DLG2: variants seen among roughly 807,000 people sequenced by gnomAD.
DLG2 encodes disks large homolog 2.
DLG2 carries 45 observed loss-of-function variants against 132.5 expected under a neutral mutation model. The ratio of observed to expected loss-of-function variants is 0.34; its 90% confidence interval spans 0.27 to 0.44. The LOEUF (loss-of-function observed/expected upper bound fraction) is 0.44. DLG2 is among the 20% of genes least tolerant of loss of function. DLG2 has a pLI of 1.00. For missense variants in DLG2, 1,045 were observed against 1,196.9 expected (o/e 0.87, Z 1.87); for synonymous variants, 424 against 419.6 (o/e 1.01, Z -0.13).
At chr11:85,300,475 A>G (rs1596057308) in intron 3 of DLG2, among the ~76,000 whole-genome samples, 1 of 152,192 alleles carries the variant, frequency 6.6e-6, no homozygotes, top group East Asian at 1.9e-4. Context: ...AACAAGGAGT[A>G]AAATTAGAAA....
intron 19 of DLG2, among the ~76,000 whole-genome samples, chr11:83,576,969 C>A (rs2096883052): frequency 6.6e-6 from 1 of 152,128 alleles, no homozygotes. Context: ...TTGAAGGATA[C>A]AAAGTATTGA....
chr11:83,461,775 G>A, intron 27 of DLG2: 1 of 500,196 alleles, frequency 2.0e-6, no homozygotes, highest in Admixed American at 3.2e-5. Context: ...TTTGGGTAGG[G>A]CTGGTGGGAA....
At chr11:84,838,086 T>G (rs1401728470) in intron 6 of DLG2, among the ~76,000 whole-genome samples, 1 of 151,884 alleles carries the variant, frequency 6.6e-6, no homozygotes, top group Non-Finnish European at 1.5e-5. Flanking sequence ...CTTCTTAAAA[T>G]AGGGAAATAA....
chr11:84,868,029 G>A (rs1032709592), intron 6 of DLG2, among the ~76,000 whole-genome samples: 2 of 151,290 alleles, frequency 1.3e-5, no homozygotes, highest in Non-Finnish European at 2.9e-5. Context: ...AGCTGAGATC[G>A]CGCCACTGCA....
intron 8 of DLG2, among the ~76,000 whole-genome samples, chr11:84,179,365 G>A (rs2096059273): frequency 6.6e-6 from 1 of 152,196 alleles, no homozygotes; most frequent in African/African-American, 2.4e-5. Flanking sequence ...GCAAATCACT[G>A]TCCCCAAAAT....
intron 3 of DLG2, among the ~76,000 whole-genome samples, chr11:85,353,541 A>G (rs1363447495): frequency 1.3e-5 from 2 of 152,246 alleles, no homozygotes; most frequent in African/African-American, 4.8e-5. Context: ...GTGCACACAT[A>G]GGTTTATTGC....
rs568839880 is a variant in DLG2, at chr11:83,821,455, G to A, written c.1722+12159C>T. ...TGAATGGATTTTAAATAATGTCAGC[G>A]TGAGAAGAATAAGTCATAGTAGTTG... On this transcript the variant is annotated intron_variant, in intron 17 of 27. Coordinates refer to ENST00000376104, the MANE Select transcript of DLG2 (RefSeq NM_001142699.3). Among the ~76,000 whole-genome samples the A allele has an allele frequency of 3.7e-4, 57 of 152,232 alleles. 1 individual carries two copies. The highest frequency in any genetic ancestry group is 1.2e-3 in the African/African-American group (50 of 41,544).
rs5793105 is a variant in DLG2 at position 84,134,692 on chromosome 11, C to CTGTGTGTG, written c.624+28761_624+28768dup. The stretch of plus-strand genomic sequence containing the variant: ...TGTCTCAAGAGACCTCTTTTGTTAT[C>CTGTGTGTG]TGTGTGTGTGTGTGTGTGTGTGTGT... On this transcript the variant is annotated intron_variant, in intron 9 of 27. Transcript: ENST00000376104. Among the ~76,000 whole-genome samples, 288 of 149,656 alleles carry CTGTGTGTG rather than the reference C, an allele frequency of 1.9e-3. 4 individuals are homozygous for CTGTGTGTG. Among genetic ancestry groups the CTGTGTGTG allele is most frequent in the South Asian group, 2.8e-3 (13 of 4,694 alleles).
chr11:85,492,187 T>C (rs1373394090), intron 3 of DLG2, among the ~76,000 whole-genome samples: 1 of 152,190 alleles, frequency 6.6e-6, no homozygotes, highest in Non-Finnish European at 1.5e-5. Flanking sequence ...CCATGCCACA[T>C]ATGCATATTT....
At position 83,907,585 on chromosome 11, in the gene DLG2, A is replaced by T. The variant is rs1362741787; in HGVS notation, c.1496+22743T>A. On this transcript the variant is annotated intron_variant, in intron 15 of 27. Transcript: ENST00000376104. ...GATGGGAAGGATAATGACTTACTTG[A>T]TAGGATGCTTGTGAGATCAAATGAG... 2.0e-5 allele frequency among the ~76,000 whole-genome samples: 3 copies of T among 152,180 alleles called. No homozygotes were observed. In the East Asian group the frequency reaches 5.8e-4, roughly 29 times the overall value.
intron 16 of DLG2, among the ~76,000 whole-genome samples, chr11:83,862,670 A>C (rs1031017325): frequency 1.3e-5 from 2 of 152,092 alleles, no homozygotes; most frequent in African/African-American, 4.8e-5. Flanking sequence ...CTCCAAAAAA[A>C]AAGAGTGGTG....
At chr11:84,476,531 C>T (rs989866323) in intron 7 of DLG2, among the ~76,000 whole-genome samples, 3 of 152,086 alleles carry the variant, frequency 2.0e-5, no homozygotes, top group Non-Finnish European at 4.4e-5. Flanking sequence ...AATCAAACAC[C>T]AATAACAAGC....
intron 19 of DLG2, among the ~76,000 whole-genome samples, chr11:83,579,250 A>G (rs2096930123): frequency 6.6e-6 from 1 of 152,270 alleles, no homozygotes; most frequent in Non-Finnish European, 1.5e-5. Flanking sequence ...TTTATTCTAC[A>G]CATTAATTTC....
intron 6 of DLG2, among the ~76,000 whole-genome samples, chr11:84,708,905 A>G (rs1401826867): frequency 6.6e-6 from 1 of 151,930 alleles, no homozygotes; most frequent in Non-Finnish European, 1.5e-5. Flanking sequence ...CCTTTTAAAT[A>G]AAGAAAATAA....
At chr11:84,073,797 GCTT>G (rs2096788586) in intron 10 of DLG2, among the ~76,000 whole-genome samples, 1 of 152,242 alleles carries the variant, frequency 6.6e-6, no homozygotes, top group African/African-American at 2.4e-5. Flanking sequence ...CTGTAATGTT[GCTT>G]CTTATTTTGA....
At chr11:84,216,069 C>T (rs1472447859) in intron 8 of DLG2, among the ~76,000 whole-genome samples, 2 of 152,166 alleles carry the variant, frequency 1.3e-5, no homozygotes, top group African/African-American at 4.8e-5. Flanking sequence ...GGATTCTCAA[C>T]TGAGTCTCAC....
intron 6 of DLG2, among the ~76,000 whole-genome samples, chr11:84,626,526 G>C (rs1399706351): frequency 1.3e-5 from 2 of 152,184 alleles, no homozygotes; most frequent in Non-Finnish European, 2.9e-5. Flanking sequence ...GAGGTCTGAA[G>C]GTGGCAGAGC....
At chr11:84,997,187 C>T (rs2057735895) in intron 6 of DLG2, 1 of 153,066 alleles carries the variant, frequency 6.5e-6, no homozygotes, top group Non-Finnish European at 1.5e-5. Flanking sequence ...ATAAACTGCA[C>T]ATCAAAAATT....
intron 6 of DLG2, among the ~76,000 whole-genome samples, chr11:85,062,417 C>T (rs927945444): frequency 7.9e-5 from 12 of 151,230 alleles, no homozygotes; most frequent in Non-Finnish European, 1.6e-4. Flanking sequence ...TCCTACTTTG[C>T]CCAAGAGAGA....
Sources: gnomAD v4.1 joint callset for allele counts (sites outside exome capture counted in the v4.1 genomes callset) on GRCh38, gnomAD v4.1.1 for gene constraint, MANE v1.5 for transcripts, NCBI Gene and HGNC (gene_info 2026-07-23, HGNC 2026-07-21) for gene names.